The following CCDC9 variants were observed in gnomAD, a reference collection of about 807,000 sequenced individuals.
CCDC9 encodes the protein coiled-coil domain containing 9, also known as coiled-coil domain-containing protein 9.
A neutral mutation model predicts 65.6 loss-of-function variants in CCDC9; 52 were observed. That is an observed-to-expected ratio of 0.79 (90% CI 0.63 to 1.00). CCDC9 has a LOEUF of 1.00. Among genes scored for constraint, CCDC9 ranks in the 50% least tolerant of loss-of-function variants. CCDC9 has a pLI of 0.00. For missense variants in CCDC9, 834 were observed against 757.2 expected, an observed-to-expected ratio of 1.10 and a Z score of -1.19; for synonymous variants, 332 against 280.3, an observed-to-expected ratio of 1.18 and a Z score of -1.84.
At position 47,271,759 on chromosome 19, in the gene CCDC9, GCTA is replaced by G; in HGVS notation, c.*82_*84del. ...CGCGCGCGCGCGCGCGCGCGCGCGC[GCTA>G]GAGGGGTGTGGCTGGTGGGGGACCC... On this transcript the variant is annotated 3_prime_UTR_variant, in exon 12 of 12. Coordinates refer to ENST00000221922, the MANE Select transcript of CCDC9 (RefSeq NM_015603.3). 7.2e-7 allele frequency: 1 copy of G among 1,386,968 alleles called. No homozygotes were observed. Among genetic ancestry groups the G allele is most frequent in the Non-Finnish European group, 9.4e-7 (1 of 1,061,110 alleles). 85.9% of individuals were successfully genotyped at this position (1,386,968 alleles called of 1,614,324 possible).
downstream of CCDC9, chr19:47,275,471 C>A: frequency 7.4e-7 from 1 of 1,344,692 alleles, no homozygotes; most frequent in African/African-American, 1.5e-5. Flanking sequence ...GTCTCTGGAG[C>A]CGTCATCCCG....
At chr19:47,267,677 G>A (rs2059091237) in intron 8 of CCDC9, among the ~76,000 whole-genome samples, 1 of 152,146 alleles carries the variant, frequency 6.6e-6, no homozygotes, top group African/African-American at 2.4e-5. Flanking sequence ...AATAAGCTCT[G>A]CCCCCTCCAG....
At chr19:47,264,504 C>A (rs943440775) in intron 5 of CCDC9, 99 bp from the exon 6 acceptor site, 2 of 1,145,582 alleles carry the variant, frequency 1.7e-6, no homozygotes, top group Non-Finnish European at 2.5e-6. Flanking sequence ...CAGGCCAGTC[C>A]GAGGAGAGGA....
downstream of CCDC9, among the ~76,000 whole-genome samples, chr19:47,272,519 T>TTGGGAGGCGGGAGGATCGCTTGAACC (rs2059130449): frequency 2.6e-5 from 4 of 151,970 alleles, no homozygotes; most frequent in African/African-American, 9.7e-5. Flanking sequence ...TCCCAGCTAA[T>TTGGGAGGCGGGAGGATCGCTTGAACC]TGGGAGGCGG....
intron 5 of CCDC9, among the ~76,000 whole-genome samples, chr19:47,262,017 G>A (rs1388722995): frequency 2.5e-5 from 3 of 120,430 alleles, no homozygotes; most frequent in Non-Finnish European, 3.6e-5. Flanking sequence ...GTGAAACTCC[G>A]TCTCAAAAAA....
intron 1 of CCDC9, chr19:47,257,597 T>C (rs962046931): frequency 2.0e-5 from 3 of 152,296 alleles, no homozygotes; most frequent in Non-Finnish European, 2.9e-5. Context: ...GTTTTGTCCT[T>C]GTTGGGGCGG....
chr19:47,270,963 C>T, intron 10 of CCDC9, 119 bp from the exon 11 acceptor site: 2 of 813,792 alleles, frequency 2.5e-6, no homozygotes, highest in Non-Finnish European at 4.0e-6. Flanking sequence ...GCCATTCCCT[C>T]AGCCCTCCAC....
At chr19:47,272,014 G>T, downstream of CCDC9, 1 of 1,239,176 alleles carries the variant, frequency 8.1e-7, no homozygotes, top group East Asian at 3.1e-5. Context: ...TTCTCTCTTG[G>T]GGTGGGGAGA....
intron 8 of CCDC9, among the ~76,000 whole-genome samples, chr19:47,267,934 G>A (rs1396828881): frequency 2.0e-5 from 3 of 151,698 alleles, no homozygotes; most frequent in Non-Finnish European, 2.9e-5. Context: ...TGCAACCTCC[G>A]CCTCCTGGGT....
intron 5 of CCDC9, among the ~76,000 whole-genome samples, chr19:47,261,193 C>A (rs182968219): frequency 6.6e-6 from 1 of 151,964 alleles, no homozygotes; most frequent in Non-Finnish European, 1.5e-5. Context: ...CCCTTTTTCT[C>A]GCTCTCTGGT....
chr19:47,264,892 C>T lies in CCDC9; in HGVS notation c.666C>T (p.Asn222=), dbSNP rs770988713. 6.9e-5 allele frequency: 101 copies of T among 1,472,702 alleles called. No homozygotes were observed. The highest frequency in any genetic ancestry group is 5.2e-5 in the Non-Finnish European group (58 of 1,114,230). 91.2% of individuals were successfully genotyped at this position (1,472,702 alleles called of 1,614,324 possible). A position where few individuals can be genotyped will look rare whatever the true frequency, so the allele number is the denominator to read the frequency against. ...AGGAGAGCCGCCGGCACGGCCGCAACTGGGGGGGCCCCGACTTCGAGCGGG... is the reference window on the plus strand; with the variant it reads ...AGGAGAGCCGCCGGCACGGCCGCAATTGGGGGGGCCCCGACTTCGAGCGGG... ...RREESRRHGR[N]WGGPDFERVR... Residue 222 remains asparagine, a synonymous_variant, in exon 7 of 12, where the codon AAC becomes AAT. Transcript: ENST00000221922.
intron 5 of CCDC9, among the ~76,000 whole-genome samples, chr19:47,261,847 C>T (rs1600279682): frequency 6.6e-6 from 1 of 151,066 alleles, no homozygotes; most frequent in Non-Finnish European, 1.5e-5. Context: ...ATGGCGAAAC[C>T]CCATCTCTAC....
chr19:47,258,043 A>G, intron 1 of CCDC9: 2 of 346,798 alleles, frequency 5.8e-6, no homozygotes, highest in Non-Finnish European at 1.1e-5. Flanking sequence ...GGAGGAGAGC[A>G]GTGTTGGATA....
chr19:47,272,247 G>A, downstream of CCDC9: 3 of 872,760 alleles, frequency 3.4e-6, no homozygotes, highest in Non-Finnish European at 4.5e-6. Flanking sequence ...GGGGAGTGGG[G>A]TGAATGTGTG....
downstream of CCDC9, chr19:47,272,014 G>C (rs956351128): frequency 5.6e-6 from 7 of 1,239,176 alleles, no homozygotes; most frequent in South Asian, 2.0e-4. Flanking sequence ...TTCTCTCTTG[G>C]GGTGGGGAGA....
At chr19:47,268,846 A>G (rs1355782588) in intron 8 of CCDC9, among the ~76,000 whole-genome samples, 1 of 147,488 alleles carries the variant, frequency 6.8e-6, no homozygotes, top group African/African-American at 2.5e-5. Context: ...TGAACCTGGG[A>G]GGTGGAGCTT....
chr19:47,273,344 C>G, downstream of CCDC9: 1 of 1,231,112 alleles, frequency 8.1e-7, no homozygotes, highest in Non-Finnish European at 1.0e-6. Flanking sequence ...GACTCAGCCC[C>G]TTCTCTCCTC....
chr19:47,258,347 T>C lies in CCDC9; in HGVS notation c.-54T>C. 2 of 1,607,748 alleles carry C rather than the reference T, an allele frequency of 1.2e-6. No homozygotes were observed. Among genetic ancestry groups the C allele is most frequent in the East Asian group, 4.5e-5 (2 of 44,836 alleles). ...GTCCCCAGGAACCCTCAGTGCTGCG[T>C]CTAGATTCTGCAGGGGAGGTTTGCT... On this transcript the variant is annotated 5_prime_UTR_variant, in exon 2 of 12. Coordinates refer to ENST00000221922, the MANE Select transcript of CCDC9 (RefSeq NM_015603.3).
intron 5 of CCDC9, among the ~76,000 whole-genome samples, chr19:47,262,850 C>T (rs948084896): frequency 3.4e-4 from 51 of 152,128 alleles, no homozygotes; most frequent in African/African-American, 1.1e-3. Flanking sequence ...ACTTGGGAAG[C>T]TAAGGTGGGA....
Sources: gnomAD v4.1 joint callset for allele counts (sites outside exome capture counted in the v4.1 genomes callset) on GRCh38, gnomAD v4.1.1 for gene constraint, MANE v1.5 for transcripts, NCBI Gene and HGNC (gene_info 2026-07-23, HGNC 2026-07-21) for gene names.